Variants in CFAP96 observed in about 807,000 individuals in gnomAD.
The protein encoded by CFAP96 is cilia-and flagella-associated protein 96.
chr4:185,432,812 A>G, the CFAP96 span, among the ~76,000 whole-genome samples: 1 of 151,634 alleles, frequency 6.6e-6, no homozygotes, highest in Non-Finnish European at 1.5e-5. Context: ...ACAGTGAGCT[A>G]TGATTGAGCC....
chr4:185,439,956 TATA>T, the CFAP96 span, among the ~76,000 whole-genome samples: 2 of 146,952 alleles, frequency 1.4e-5, no homozygotes, highest in Non-Finnish European at 3.0e-5. Context: ...ATATATATGA[TATA>T]TACATATATG....
At chr4:185,412,146 T>C in the CFAP96 span, among the ~76,000 whole-genome samples, 1 of 152,242 alleles carries the variant, frequency 6.6e-6, no homozygotes, top group Non-Finnish European at 1.5e-5. Context: ...ATATGTTATA[T>C]GTACATATCA....
the CFAP96 span, among the ~76,000 whole-genome samples, chr4:185,426,615 G>A: frequency 6.6e-6 from 1 of 152,210 alleles, no homozygotes; most frequent in Non-Finnish European, 1.5e-5. Flanking sequence ...CTCCTTGCGG[G>A]CAGCATCTAT....
At chr4:185,435,984 A>G in the CFAP96 span, 2 of 1,273,374 alleles carry the variant, frequency 1.6e-6, no homozygotes, top group Non-Finnish European at 2.1e-6. Flanking sequence ...TTATGATAAA[A>G]TAGACTTAAA....
At chr4:185,432,743 G>C in the CFAP96 span, among the ~76,000 whole-genome samples, 1 of 152,098 alleles carries the variant, frequency 6.6e-6, no homozygotes, top group East Asian at 1.9e-4. Context: ...TGTGCCTGTA[G>C]TCCCAGCTAC....
chr4:185,429,821 C>T, the CFAP96 span, among the ~76,000 whole-genome samples: 3 of 152,052 alleles, frequency 2.0e-5, no homozygotes, highest in East Asian at 5.8e-4. Flanking sequence ...CACTACCATG[C>T]CCAGCTAATT....
At chr4:185,417,128 A>G in the CFAP96 span, among the ~76,000 whole-genome samples, 1 of 152,230 alleles carries the variant, frequency 6.6e-6, no homozygotes, top group Non-Finnish European at 1.5e-5. Flanking sequence ...CAACAGACTG[A>G]TAACTGTCTC....
chr4:185,410,895 A>AAG, the CFAP96 span, among the ~76,000 whole-genome samples: 2 of 148,368 alleles, frequency 1.3e-5, no homozygotes, highest in Admixed American at 6.8e-5. Flanking sequence ...GCAGTGAGCC[A>AAG]AGATTGTGCC....
chr4:185,425,944 C>T, the CFAP96 span: 1 of 1,536,634 alleles, frequency 6.5e-7, no homozygotes. Flanking sequence ...GTGGTGTCAC[C>T]GCACGGCCCA....
chr4:185,419,930 T>C, the CFAP96 span, among the ~76,000 whole-genome samples: 4 of 152,256 alleles, frequency 2.6e-5, no homozygotes, highest in Admixed American at 2.6e-4. Flanking sequence ...GGTGATCACC[T>C]AGAATAGAAT....
At chr4:185,431,127 T>C in the CFAP96 span, among the ~76,000 whole-genome samples, 1 of 151,062 alleles carries the variant, frequency 6.6e-6, no homozygotes, top group African/African-American at 2.4e-5. Context: ...GGAGAATCGC[T>C]TGAACCTGGG....
the CFAP96 span, among the ~76,000 whole-genome samples, chr4:185,417,303 T>C: frequency 1.3e-5 from 2 of 152,200 alleles, no homozygotes; most frequent in African/African-American, 4.8e-5. Flanking sequence ...CAATTACTGG[T>C]AATTTTCAAA....
At chr4:185,422,608 C>G in the CFAP96 span, 2 of 1,286,412 alleles carry the variant, frequency 1.6e-6, no homozygotes, top group East Asian at 2.4e-5. Context: ...TAAAACAAAA[C>G]AAACTCATAT....
the CFAP96 span, among the ~76,000 whole-genome samples, chr4:185,419,823 G>C: frequency 2.0e-5 from 3 of 152,146 alleles, no homozygotes; most frequent in African/African-American, 7.2e-5. Flanking sequence ...ATAAATTGAT[G>C]CACATTTGTT....
chr4:185,440,545 G>A, the CFAP96 span: 187 of 1,501,018 alleles, frequency 1.2e-4, no homozygotes, highest in Middle Eastern at 8.5e-4. Flanking sequence ...CACAGAAAGC[G>A]AATGAAGAGC....
chr4:185,443,292 T>G, the CFAP96 span, among the ~76,000 whole-genome samples: 1 of 144,226 alleles, frequency 6.9e-6, no homozygotes, highest in Admixed American at 7.0e-5. Context: ...TTCAGGTTTT[T>G]GGGGTTTACA....
At chr4:185,428,295 C>A in the CFAP96 span, among the ~76,000 whole-genome samples, 1,195 of 151,676 alleles carry the variant, frequency 7.9e-3, 19 homozygotes, top group African/African-American at 0.028. Context: ...AATTTCTGGC[C>A]GGGCGCGGTG....
At chr4:185,435,255 T>C in the CFAP96 span, among the ~76,000 whole-genome samples, 3 of 152,234 alleles carry the variant, frequency 2.0e-5, no homozygotes, top group Non-Finnish European at 4.4e-5. Context: ...AGACTGAAGG[T>C]ATTGACAATA....
chr4:185,441,366 T>C, the CFAP96 span, among the ~76,000 whole-genome samples: 1 of 150,910 alleles, frequency 6.6e-6, no homozygotes, highest in Admixed American at 6.6e-5. Context: ...AGTTTATGTT[T>C]TTAATATTGT....
Sources: allele counts gnomAD v4.1 joint callset (sites outside exome capture counted in the v4.1 genomes callset), GRCh38; gene constraint gnomAD v4.1.1; transcripts MANE v1.5; gene names NCBI Gene and HGNC (gene_info 2026-07-23, HGNC 2026-07-21).